XKR4: variants seen among roughly 807,000 people sequenced by gnomAD.
The protein encoded by XKR4 is XK-related protein 4.
A neutral mutation model predicts 53.9 loss-of-function variants in XKR4; 12 were observed. That is an observed-to-expected ratio of 0.22 (90% CI 0.14 to 0.36). The LOEUF (loss-of-function observed/expected upper bound fraction) is 0.36, where lower values mean the gene tolerates loss of function less well. Ranked by LOEUF, XKR4 falls within the 10% of genes least tolerant of loss-of-function variation. The pLI is 1.00. For missense variants in XKR4, 799 were observed against 859.5 expected (o/e 0.93, Z 0.88); for synonymous variants, 354 against 362.4 (o/e 0.98, Z 0.26).
chr8:55,257,905 C>G (rs1247158551), intron 1 of XKR4, among the ~76,000 whole-genome samples: 1 of 152,154 alleles, frequency 6.6e-6, no homozygotes, highest in Non-Finnish European at 1.5e-5. Context: ...TCTGAGGTTG[C>G]CTTTCTGTTG....
intron 2 of XKR4, among the ~76,000 whole-genome samples, chr8:55,383,228 A>G (rs1358145700): frequency 2.0e-5 from 3 of 152,228 alleles, no homozygotes; most frequent in Non-Finnish European, 4.4e-5. Flanking sequence ...ATAACAATGA[A>G]AAATGAATAA....
At chr8:55,286,712 C>T (rs1414695368) in intron 1 of XKR4, among the ~76,000 whole-genome samples, 1 of 152,198 alleles carries the variant, frequency 6.6e-6, no homozygotes, top group African/African-American at 2.4e-5. Flanking sequence ...AGGCTGTGCC[C>T]TTTTCCTCTT....
intron 1 of XKR4, among the ~76,000 whole-genome samples, chr8:55,151,893 C>G (rs1004562180): frequency 6.6e-6 from 1 of 152,196 alleles, no homozygotes; most frequent in African/African-American, 2.4e-5. Context: ...ATTTCCCTAA[C>G]ATCGTCACTA....
At chr8:55,454,228 G>A in intron 2 of XKR4, 11 of 1,121,976 alleles carry the variant, frequency 9.8e-6, no homozygotes, top group Non-Finnish European at 1.5e-5. Flanking sequence ...ACTCAGGGAT[G>A]GTCACCGTCT....
At chr8:55,312,647 C>T (rs191019044) in intron 1 of XKR4, among the ~76,000 whole-genome samples, 1 of 152,132 alleles carries the variant, frequency 6.6e-6, no homozygotes, top group Non-Finnish European at 1.5e-5. Context: ...GAACAATAGT[C>T]CATCATTGAT....
intron 1 of XKR4, among the ~76,000 whole-genome samples, chr8:55,314,643 G>A (rs999241009): frequency 1.3e-5 from 2 of 152,168 alleles, no homozygotes; most frequent in Admixed American, 6.5e-5. Flanking sequence ...CACAATATTT[G>A]ATTTTTAGCA....
At chr8:55,182,112 T>C (rs1400769288) in intron 1 of XKR4, among the ~76,000 whole-genome samples, 2 of 152,160 alleles carry the variant, frequency 1.3e-5, no homozygotes, top group Non-Finnish European at 1.5e-5. Flanking sequence ...TTCGTTTTCT[T>C]ATTGTTCTAG....
At chr8:55,141,954 A>C (rs1012104385) in intron 1 of XKR4, among the ~76,000 whole-genome samples, 1 of 151,502 alleles carries the variant, frequency 6.6e-6, no homozygotes, top group Non-Finnish European at 1.5e-5. Context: ...TTCAGAGCAG[A>C]CCCTTCCCCA....
intron 2 of XKR4, chr8:55,452,778 A>T (rs1302481259): frequency 2.1e-5 from 17 of 796,346 alleles, no homozygotes; most frequent in Non-Finnish European, 3.8e-5. Flanking sequence ...GCTCTCAGCC[A>T]CACTGCCAGC....
At chr8:55,397,860 C>T (rs1804544722) in intron 2 of XKR4, among the ~76,000 whole-genome samples, 2 of 152,126 alleles carry the variant, frequency 1.3e-5, no homozygotes, top group Admixed American at 1.3e-4. Context: ...TCACGGGCTA[C>T]TCAGTGGGAG....
chr8:55,486,216 A>G (rs1036904472), intron 2 of XKR4, among the ~76,000 whole-genome samples: 13 of 152,212 alleles, frequency 8.5e-5, no homozygotes, highest in Middle Eastern at 3.2e-3. Flanking sequence ...CTTTATAGCT[A>G]CAGTCGTCTG....
At chr8:55,505,902 C>T (rs1372887054) in intron 2 of XKR4, among the ~76,000 whole-genome samples, 10 of 152,202 alleles carry the variant, frequency 6.6e-5, no homozygotes, top group Non-Finnish European at 5.9e-5. Context: ...TTAAATCAGG[C>T]CATGTCCATC....
At chr8:55,422,811 A>G (rs1450212097) in intron 2 of XKR4, among the ~76,000 whole-genome samples, 1 of 152,234 alleles carries the variant, frequency 6.6e-6, no homozygotes, top group Admixed American at 6.5e-5. Flanking sequence ...TAAAGAGATC[A>G]GTGAAGACAG....
chr8:55,191,120 A>C (rs1298796366), intron 1 of XKR4, among the ~76,000 whole-genome samples: 1 of 152,096 alleles, frequency 6.6e-6, no homozygotes, highest in Non-Finnish European at 1.5e-5. Context: ...GCCTGGGTGA[A>C]TAGGAGGACT....
At chr8:55,404,794 C>T (rs533020799) in intron 2 of XKR4, among the ~76,000 whole-genome samples, 1 of 152,210 alleles carries the variant, frequency 6.6e-6, no homozygotes, top group East Asian at 1.9e-4. Context: ...TATCTAGGGG[C>T]CAGGAGAACC....
chr8:55,307,688 C>A (rs143547631), intron 1 of XKR4, among the ~76,000 whole-genome samples: 48 of 152,108 alleles, frequency 3.2e-4, no homozygotes, highest in African/African-American at 1.1e-3. Flanking sequence ...GGGTAGTAAG[C>A]TCATGAAAAA....
chr8:55,127,660 C>A (rs1816490781), intron 1 of XKR4, among the ~76,000 whole-genome samples: 1 of 151,138 alleles, frequency 6.6e-6, no homozygotes, highest in African/African-American at 2.4e-5. Flanking sequence ...TAAACATGTG[C>A]CATGTTGGTG....
intron 1 of XKR4, among the ~76,000 whole-genome samples, chr8:55,344,132 C>T (rs1585530766): frequency 6.6e-6 from 1 of 152,268 alleles, no homozygotes; most frequent in Non-Finnish European, 1.5e-5. Context: ...TTGTTATACC[C>T]CCACTCTCTC....
intron 1 of XKR4, among the ~76,000 whole-genome samples, chr8:55,226,521 GA>G (rs1446281544): frequency 6.6e-6 from 1 of 152,150 alleles, no homozygotes; most frequent in Non-Finnish European, 1.5e-5. Flanking sequence ...GTAGGGACAA[GA>G]CGTATCCATC....
Sources: allele counts gnomAD v4.1 joint callset (sites outside exome capture counted in the v4.1 genomes callset), GRCh38; gene constraint gnomAD v4.1.1; transcripts MANE v1.5; gene names NCBI Gene and HGNC (gene_info 2026-07-23, HGNC 2026-07-21).